The following PLEC variants were observed in gnomAD, a reference collection of about 807,000 sequenced individuals.
PLEC encodes the protein plectin, also known as hemidesmosomal protein 1.
A neutral mutation model predicts 392.8 loss-of-function variants in PLEC; 216 were observed. The ratio of observed to expected loss-of-function variants is 0.55; its 90% CI spans 0.49 to 0.62. The LOEUF is 0.62. PLEC is among the 20% of genes least tolerant of loss of function. The pLI is 0.00. For missense variants in PLEC, 6,863 were observed against 6,563.4 expected (o/e 1.05, Z -1.58); for synonymous variants, 3,621 against 2,980.6 (o/e 1.21, Z -7.00).
chr8:143,917,856 C>G lies in PLEC; in HGVS notation c.11965G>C (p.Glu3989Gln). Residue 3989 changes from glutamate to glutamine, a missense_variant, in exon 32 of 32, where the codon GAG becomes CAG. Glu to Gln is a conservative substitution (Grantham distance 29, BLOSUM62 2). Transcript: ENST00000345136. ...CCCACAATGCCCATACGCACAGCCT[C>G]CTCCACCGTCAGCTTCAGTCCCTTG... ...PIKGLKLTVEEAVRMGIVGPE... is the reference protein window; with the variant it reads ...PIKGLKLTVEQAVRMGIVGPE... 7 of 1,613,342 alleles carry G rather than the reference C, an allele frequency of 4.3e-6. No individual in the cohort carries two copies. The highest frequency in any genetic ancestry group is 5.9e-6 in the Non-Finnish European group (7 of 1,180,018).
At chr8:143,951,765 G>A (rs1554736758), upstream of PLEC, among the ~76,000 whole-genome samples, 2 of 152,180 alleles carry the variant, frequency 1.3e-5, no homozygotes, top group Non-Finnish European at 2.9e-5. Context: ...GCTGCAGGGT[G>A]GAAGAATGCC....
In PLEC at chr8:143,925,044, G is replaced by C. The variant is rs782761713; in HGVS notation, c.4885C>G (p.Arg1629Gly). The change falls in exon 31 of 32, where the codon CGG becomes GGG. Residue 1629 changes from arginine (R) to glycine (G), a missense_variant. Transcript: ENST00000345136. ...EAERAREEAE[R>G]ELERWQLKAN... Reference sequence around the variant, plus strand: ...TTGAGCTGCCAGCGCTCCAGCTCCCGCTCTGCCTCCTCGCGCGCCCGCTCG... The same window carrying C: ...TTGAGCTGCCAGCGCTCCAGCTCCCCCTCTGCCTCCTCGCGCGCCCGCTCG... 3 of 1,556,142 alleles carry C rather than the reference G, an allele frequency of 1.9e-6. No homozygotes were observed. The highest frequency in any genetic ancestry group is 2.6e-6 in the Non-Finnish European group (3 of 1,158,446).
rs781801524 is a variant in PLEC at position 143,925,173 on chromosome 8, C to T, written c.4756G>A (p.Ala1586Thr). The T allele has an allele frequency of 1.5e-5, 24 of 1,566,012 alleles. No individual in the cohort carries two copies. The highest frequency in any genetic ancestry group is 6.9e-5 in the South Asian group (6 of 86,604). ...CGCTCCAGCTGTGCCGTCTTCTCGG[C>T]GAAGGAGGCGCGTTTGCTCTGCAGC... ...AELQSKRASF[A>T]EKTAQLERSL... Residue 1586 changes from alanine (A) to threonine (T), a missense_variant, in exon 31 of 32, where the codon GCC (alanine) becomes ACC (threonine). Coordinates refer to ENST00000345136, the MANE Select transcript of PLEC (RefSeq NM_201384.3).
chr8:143,954,520 C>G (rs534998838), upstream of PLEC, among the ~76,000 whole-genome samples: 2 of 152,204 alleles, frequency 1.3e-5, no homozygotes, highest in Non-Finnish European at 2.9e-5. This position sits in a 1 kb window ranked among gnomAD's most constrained non-coding sequence, Gnocchi z 4.6. Flanking sequence ...TCTCCACTGC[C>G]GCCAGATGAC....
At chr8:143,938,348 G>C in intron 2 of PLEC, 108 bp from the exon 3 acceptor site, 6 of 1,536,454 alleles carry the variant, frequency 3.9e-6, no homozygotes, top group Non-Finnish European at 4.4e-6. Flanking sequence ...GGAGGCGGGG[G>C]CTGAGTCTCC....
At chr8:143,928,358 G>A (rs1422805197) in intron 25 of PLEC, among the ~76,000 whole-genome samples, 1 of 152,286 alleles carries the variant, frequency 6.6e-6, no homozygotes, top group Non-Finnish European at 1.5e-5. Flanking sequence ...ACTGGGCGAA[G>A]GGGACACCGG....
Position 143,929,455 on chromosome 8 carries a change from C to T in PLEC, c.3040G>A (p.Glu1014Lys), listed in dbSNP as rs781913182. The T allele has an allele frequency of 3.1e-5, 50 of 1,593,300 alleles. 1 individual carries two copies. The highest frequency in any genetic ancestry group is 4.1e-5 in the Non-Finnish European group (48 of 1,171,318). ...VHRLRLPLDK[E>K]PARECAQRIA... is the part of the protein sequence containing the mutation. ...CGCTGGGCACACTCCCGTGCCGGCT[C>T]TTTGTCCAGCGGCAGCCGCAGGCGG... Residue 1014 changes from glutamate to lysine, a missense_variant, in exon 24 of 32, where the codon GAG becomes AAG. Transcript: ENST00000345136.
chr8:143,968,529 C>CAAAAAAAAAAAAAAAAAAAAAAAAA (rs57468544), intron 1 of PLEC, among the ~76,000 whole-genome samples: 1 of 63,712 alleles, frequency 1.6e-5, no homozygotes, highest in Non-Finnish European at 2.8e-5. Flanking sequence ...AACTCCATCT[C>CAAAAAAAAAAAAAAAAAAAAAAAAA]AAAAAAAAAA....
At chr8:143,947,170 G>C (rs566179316) in intron 1 of PLEC, among the ~76,000 whole-genome samples, 21 of 152,356 alleles carry the variant, frequency 1.4e-4, no homozygotes, top group African/African-American at 3.6e-4. Flanking sequence ...GGGCAAGGCA[G>C]CCAGGCCACC....
rs1554718445 is a variant in PLEC, at chr8:143,932,938, C to T, written c.1592G>A (p.Trp531Ter). Residue 531 changes from tryptophan to a stop codon, truncating the protein, a stop_gained, in exon 14 of 32, where the codon TGG becomes TAG. Coordinates refer to ENST00000345136, the MANE Select transcript of PLEC (RefSeq NM_201384.3). LOFTEE classifies it high-confidence loss of function. ...TLRYLQDLLA[W>*]VEENQHRVDG... ...CACACGGTGCTGGTTCTCCTCCACC[C>T]AGGCCAGCAGGTCCTGCAGGTAGCG... The T allele has an allele frequency of 6.2e-7, 1 of 1,612,670 alleles. No individual in the cohort carries two copies.
At chr8:143,958,624 C>T (rs1029188475), upstream of PLEC, 7 of 449,734 alleles carry the variant, frequency 1.6e-5, no homozygotes, top group Admixed American at 1.7e-4. The surrounding 1 kb of genome is among the most constrained non-coding windows in gnomAD (Gnocchi z 4.9). Flanking sequence ...GCAGCCAGTG[C>T]TCTCCGAGCA....
chr8:143,924,663 C>A lies in PLEC; in HGVS notation c.5266G>T (p.Glu1756Ter). The change falls in exon 31 of 32, where the codon GAG becomes TAG. Residue 1756 changes from glutamate to a stop codon, truncating the protein, a stop_gained. Coordinates refer to ENST00000345136, the MANE Select transcript of PLEC (RefSeq NM_201384.3). LOFTEE classifies it high-confidence loss of function. ...ATCTCGGCCCGCACCTTGGCCAGCT[C>A]GGCTTCCAGCTCCTGCCGTTTCTGC... ...ATQKRQELEA[E>*]LAKVRAEMEV... 1 of 1,535,874 alleles carries A rather than the reference C, an allele frequency of 6.5e-7. No homozygotes were observed. The highest frequency in any genetic ancestry group is 1.2e-5 in the South Asian group (1 of 84,244).
chr8:143,964,421 A>G (rs1832992718), intron 1 of PLEC, among the ~76,000 whole-genome samples: 3 of 152,182 alleles, frequency 2.0e-5, no homozygotes, highest in Admixed American at 6.5e-5. Context: ...GAGATGGAAG[A>G]GAAGCCACAG....
At position 143,925,430 on chromosome 8, in the gene PLEC, C is replaced by T. The variant is rs782344020; in HGVS notation, c.4499G>A (p.Arg1500Gln). 45 of 1,594,968 alleles carry T rather than the reference C, an allele frequency of 2.8e-5. No individual in the cohort carries two copies. Among genetic ancestry groups the T allele is most frequent in the Admixed American group, 2.3e-4 (14 of 59,812 alleles). ...CTGGCTCTCGTCCTGCACCTGCCTC[C>T]GCAAGCGCTCGGCCTCCTCCTGCGC... ...RQAQEEAERLRRQVQDESQRK... is the reference protein window; with the variant it reads ...RQAQEEAERLQRQVQDESQRK... The change falls in exon 31 of 32, where the codon CGG becomes CAG. Residue 1500 changes from arginine to glutamine, a missense_variant. Arg to Gln is a conservative substitution (Grantham distance 43). Transcript: ENST00000345136.
At position 143,921,360 on chromosome 8, in the gene PLEC, TGTGCACGGGGTCGATAACGCCGCCC is replaced by T; in HGVS notation, c.8436_8460del (p.Gly2813AlafsTer19). On this transcript the variant is annotated frameshift_variant, in exon 32 of 32. Coordinates refer to ENST00000345136, the MANE Select transcript of PLEC (RefSeq NM_201384.3). LOFTEE classifies it low-confidence loss of function (END_TRUNC). ...GCCACGTCCACGGGCACGCGGTGGC[TGTGCACGGGGTCGATAACGCCGCCC>T]GTGGCGATCTGGGCCTCCAGCAGGC... 1 of 1,613,594 alleles carries T rather than the reference TGTGCACGGGGTCGATAACGCCGCCC, an allele frequency of 6.2e-7. No homozygotes were observed. Among genetic ancestry groups the T allele is most frequent in the East Asian group, 2.2e-5 (1 of 44,868 alleles).
intron 1 of PLEC, chr8:143,946,673 C>T (rs1232517960): frequency 1.2e-5 from 3 of 260,626 alleles, no homozygotes; most frequent in Non-Finnish European, 2.3e-5. Context: ...GTTCCTGCCC[C>T]GCCCAGCAGA....
Position 143,916,765 on chromosome 8 carries a change from G to C in PLEC, c.13056C>G (p.Ala4352=). Residue 4352 remains alanine (A), a synonymous_variant, in exon 32 of 32, where the codon GCC becomes GCG. Transcript: ENST00000345136. ...CCTCGAAGCCGCAGAAGGCCTTCTG[G>C]GCCAGGTTGATGCGGTCCACCATGA... ...DKIMVDRINL[A]QKAFCGFEDP... The C allele has an allele frequency of 1.9e-6, 3 of 1,613,294 alleles. No individual in the cohort carries two copies. Among genetic ancestry groups the C allele is most frequent in the South Asian group, 1.1e-5 (1 of 91,086 alleles).
chr8:143,949,715 T>C (rs895648683), intron 1 of PLEC, among the ~76,000 whole-genome samples: 5 of 152,200 alleles, frequency 3.3e-5, no homozygotes, highest in Non-Finnish European at 5.9e-5. Context: ...CCGGGCACTC[T>C]GTGCGGCACC....
At position 143,924,947 on chromosome 8, in the gene PLEC, T is replaced by C. The variant is rs1554699907; in HGVS notation, c.4982A>G (p.Glu1661Gly). 1 of 1,581,506 alleles carries C rather than the reference T, an allele frequency of 6.3e-7. No homozygotes were observed. Among genetic ancestry groups the C allele is most frequent in the South Asian group, 1.1e-5 (1 of 88,420 alleles). Residue 1661 changes from glutamate to glycine, a missense_variant, in exon 31 of 32, where the codon GAG becomes GGG. By Grantham distance (98) the Glu-to-Gly change is moderately conservative. Transcript: ENST00000345136. ...VAQQKSLAQA[E>G]AEKQKEEAER... ...CGCCTCCTCCTTCTGCTTCTCAGCCTCGGCCTGCGCCAGGCTCTTCTGCTG... is the reference window on the plus strand; with the variant it reads ...CGCCTCCTCCTTCTGCTTCTCAGCCCCGGCCTGCGCCAGGCTCTTCTGCTG...
Sources: allele counts gnomAD v4.1 joint callset (sites outside exome capture counted in the v4.1 genomes callset), GRCh38; gene constraint gnomAD v4.1.1; non-coding constraint Gnocchi (gnomAD v3.1); transcripts MANE v1.5; gene names NCBI Gene and HGNC (gene_info 2026-07-23, HGNC 2026-07-21).